Variants in ZNF385C observed in about 807,000 individuals in gnomAD.
ZNF385C encodes the protein zinc finger protein 385C.
A neutral mutation model predicts 35.4 loss-of-function variants in ZNF385C; 28 were observed. The ratio of observed to expected loss-of-function variants is 0.79; its 90% confidence interval spans 0.59 to 1.08. ZNF385C has a LOEUF of 1.08. Among genes scored for constraint, ZNF385C ranks in the 50% least tolerant of loss-of-function variants. The pLI is 0.00. For missense variants in ZNF385C, 605 were observed against 595.6 expected (o/e 1.02, Z -0.16); for synonymous variants, 248 against 248.2 (o/e 1.00, Z 0.01).
intron 2 of ZNF385C, among the ~76,000 whole-genome samples, chr17:42,055,603 A>T (rs1392683746): frequency 6.6e-6 from 1 of 152,112 alleles, no homozygotes; most frequent in African/African-American, 2.4e-5. Flanking sequence ...AGGCCTCAGT[A>T]TGTGTGTGGG....
At chr17:42,092,448 G>A (rs1555660629) in intron 1 of ZNF385C, among the ~76,000 whole-genome samples, 1 of 152,132 alleles carries the variant, frequency 6.6e-6, no homozygotes, top group African/African-American at 2.4e-5. Flanking sequence ...TCATAGGATG[G>A]GATGAGGCAG....
intron 1 of ZNF385C, among the ~76,000 whole-genome samples, chr17:42,083,707 CTTTTT>C (rs59612634): frequency 1.4e-4 from 7 of 49,964 alleles, no homozygotes; most frequent in African/African-American, 4.3e-4. Flanking sequence ...CTTTTCAAGT[CTTTTT>C]TTTTTTTTTT....
At chr17:42,090,192 A>T (rs555171826) in intron 1 of ZNF385C, among the ~76,000 whole-genome samples, 1 of 147,510 alleles carries the variant, frequency 6.8e-6, no homozygotes, top group East Asian at 2.0e-4. Context: ...CTCATGGCTG[A>T]TATTTAACTA....
chr17:42,046,825 T>G (rs1555656658), intron 2 of ZNF385C, among the ~76,000 whole-genome samples: 1 of 150,856 alleles, frequency 6.6e-6, no homozygotes, highest in African/African-American at 2.4e-5. Context: ...GAAAGAACTC[T>G]TGTTTCTGAG....
At chr17:42,048,857 G>A (rs1422267025) in intron 2 of ZNF385C, among the ~76,000 whole-genome samples, 1 of 151,804 alleles carries the variant, frequency 6.6e-6, no homozygotes, top group Admixed American at 6.6e-5. Flanking sequence ...TTAACCAGAG[G>A]GGGGCTTTTA....
chr17:42,053,744 C>T (rs1555657326), intron 2 of ZNF385C, among the ~76,000 whole-genome samples: 1 of 152,076 alleles, frequency 6.6e-6, no homozygotes, highest in East Asian at 1.9e-4. Flanking sequence ...TGGGGGCCAA[C>T]TATAGCAGGA....
chr17:42,062,833 C>T lies in ZNF385C; in HGVS notation c.224G>A (p.Ser75Asn). Residue 75 changes from serine to asparagine, a missense_variant, in exon 2 of 9, where the codon AGC becomes AAC. Coordinates refer to ENST00000692273, the MANE Select transcript of ZNF385C (RefSeq NM_001392013.1). Reference sequence around the variant, plus strand: ...TGGCCCTGAGGGGCTCTTCCCCAAGCTGAGCTGCCGAAGCCGCCTCTGGTG... The same window carrying T: ...TGGCCCTGAGGGGCTCTTCCCCAAGTTGAGCTGCCGAAGCCGCCTCTGGTG... Reference protein sequence around the residue: ...RAHQRRLRQLSLGKSPSGPAG... With the variant: ...RAHQRRLRQLNLGKSPSGPAG... 1 of 614,700 alleles carries T rather than the reference C, an allele frequency of 1.6e-6. No homozygotes were observed. The highest frequency in any genetic ancestry group is 2.9e-6 in the Non-Finnish European group (1 of 344,296). The allele number at this position is 614,700 out of a possible 1,614,324, so 38.1% of individuals were successfully genotyped here.
intron 2 of ZNF385C, among the ~76,000 whole-genome samples, chr17:42,051,645 G>A (rs78878653): frequency 2.7e-4 from 41 of 152,228 alleles, no homozygotes; most frequent in African/African-American, 9.9e-4. Flanking sequence ...TGTGGATCAA[G>A]GGCATGTCCA....
At position 42,027,061 on chromosome 17, in the gene ZNF385C, C is replaced by T. The variant is rs782161055; in HGVS notation, c.1348G>A (p.Ala450Thr). 80 of 1,608,532 alleles carry T rather than the reference C, an allele frequency of 5.0e-5. No homozygotes were observed. The highest frequency in any genetic ancestry group is 6.5e-5 in the Non-Finnish European group (76 of 1,177,572). ...ARFLPSPLPT[A>T]ATAICALPGP... ...GGCAGAGCACAGATGGCAGTGGCTG[C>T]GGTGGGGAGCGGGCTGGGCAGGAAG... Residue 450 changes from alanine to threonine, a missense_variant, in exon 9 of 9, where the codon GCA becomes ACA. Transcript: ENST00000692273.
chr17:42,076,576 C>T (rs192827376), intron 1 of ZNF385C, among the ~76,000 whole-genome samples: 6 of 152,170 alleles, frequency 3.9e-5, no homozygotes, highest in East Asian at 3.9e-4. Context: ...GAGCCAAGAT[C>T]GCGCCACTGC....
At chr17:42,056,976 TA>T (rs1193830230) in intron 2 of ZNF385C, among the ~76,000 whole-genome samples, 252 of 151,812 alleles carry the variant, frequency 1.7e-3, no homozygotes, top group African/African-American at 5.9e-3. Context: ...TTTTTAAAAA[TA>T]AAAAAAAATT....
At chr17:42,092,309 G>A (rs1244724334) in intron 1 of ZNF385C, among the ~76,000 whole-genome samples, 2 of 152,068 alleles carry the variant, frequency 1.3e-5, no homozygotes, top group Admixed American at 6.5e-5. Context: ...GCTGAGGCAC[G>A]AGAATCTTGT....
intron 1 of ZNF385C, among the ~76,000 whole-genome samples, chr17:42,086,265 C>G (rs192798858): frequency 6.6e-6 from 1 of 151,526 alleles, no homozygotes; most frequent in African/African-American, 2.4e-5. Flanking sequence ...GGTGGCACAC[C>G]CCTGTAAGCC....
At chr17:42,036,937 G>GT (rs1324688440) in intron 3 of ZNF385C, among the ~76,000 whole-genome samples, 1 of 152,082 alleles carries the variant, frequency 6.6e-6, no homozygotes, top group African/African-American at 2.4e-5. Context: ...TTTCACTTGA[G>GT]TTTTCAAAAT....
chr17:42,084,323 CA>C (rs1267679685), intron 1 of ZNF385C, among the ~76,000 whole-genome samples: 2,864 of 120,848 alleles, frequency 0.024, 91 homozygotes, highest in African/African-American at 0.075. Context: ...GAGCTTGTCT[CA>C]AAAAAAAAAA....
chr17:42,047,403 G>A (rs992314335), intron 2 of ZNF385C, among the ~76,000 whole-genome samples: 90 of 152,020 alleles, frequency 5.9e-4, no homozygotes, highest in African/African-American at 2.0e-3. Flanking sequence ...TCGAACTCCC[G>A]ACCTCAGATG....
intron 2 of ZNF385C, chr17:42,039,822 G>A: frequency 8.1e-7 from 1 of 1,231,166 alleles, no homozygotes; most frequent in East Asian, 3.2e-5. Flanking sequence ...TCACCATGTG[G>A]CCCCCCCGGC....
At chr17:42,032,071 T>C (rs1415507249) in intron 4 of ZNF385C, among the ~76,000 whole-genome samples, 1 of 152,238 alleles carries the variant, frequency 6.6e-6, no homozygotes, top group Non-Finnish European at 1.5e-5. Flanking sequence ...TTTTGTTTTT[T>C]GTTTTTTGAG....
Position 42,095,063 on chromosome 17 carries a change from T to C in ZNF385C, c.-3+3347A>G, listed in dbSNP as rs1598208587. 1.3e-5 allele frequency among the ~76,000 whole-genome samples: 2 copies of C among 152,108 alleles called. No individual in the cohort carries two copies. The highest frequency in any genetic ancestry group is 3.9e-4 in the East Asian group (2 of 5,194). ...GGGGGTTAGTGCAGGCGGGCATGCG[T>C]ACCTGAGTGAGTTTGTGAGTGTCTG... On this transcript the variant is annotated intron_variant, in intron 1 of 8. Transcript: ENST00000692273. This position sits in a 1 kb window ranked among gnomAD's most constrained non-coding sequence, Gnocchi z 4.4.
Sources: gnomAD v4.1 joint callset for allele counts (sites outside exome capture counted in the v4.1 genomes callset) on GRCh38, gnomAD v4.1.1 for gene constraint, Gnocchi (gnomAD v3.1) non-coding constraint, MANE v1.5 for transcripts, NCBI Gene and HGNC (gene_info 2026-07-23, HGNC 2026-07-21) for gene names.